The following NR5A1 variants were observed in gnomAD, a reference collection of about 807,000 sequenced individuals.
The protein encoded by NR5A1 is nuclear receptor subfamily 5 group A member 1.
Under a neutral mutation model 42.7 loss-of-function variants are expected in NR5A1, and 6 were observed. That is an observed-to-expected ratio of 0.14 (90% CI 0.08 to 0.28). NR5A1 has a LOEUF of 0.28. NR5A1 is among the 10% of genes least tolerant of loss of function. NR5A1 has a pLI of 1.00. For synonymous variants in NR5A1, 274 were observed against 277.5 expected, an observed-to-expected ratio of 0.99 and a Z score of 0.12; for missense variants, 442 against 626.4, an observed-to-expected ratio of 0.71 and a Z score of 3.14.
rs1384624832 is a variant in NR5A1, at chr9:124,496,651, C to G, written c.870+3439G>C. On this transcript the variant is annotated intron_variant, in intron 4 of 6. Coordinates refer to ENST00000373588, the MANE Select transcript of NR5A1 (RefSeq NM_004959.5). The surrounding 1 kb of genome is among the most constrained non-coding windows in gnomAD (Gnocchi z 5.0). The stretch of plus-strand genomic sequence containing the variant: ...TGGTGGCTGACACACCACGGGCTGG[C>G]CACTGCGCTCTGCCGGCAGAGTGGT... 6.6e-6 allele frequency among the ~76,000 whole-genome samples: 1 copy of G among 152,212 alleles called. No homozygotes were observed. Among genetic ancestry groups the G allele is most frequent in the Non-Finnish European group, 1.5e-5 (1 of 68,024 alleles).
chr9:124,492,644 A>G (rs929846360), intron 5 of NR5A1, among the ~76,000 whole-genome samples: 1 of 151,784 alleles, frequency 6.6e-6, no homozygotes, highest in Non-Finnish European at 1.5e-5. Flanking sequence ...CGGGGGCTCC[A>G]CACTTCCACC....
chr9:124,491,032 C>A, intron 6 of NR5A1, 49 bp downstream of exon 6: 1 of 1,258,238 alleles, frequency 7.9e-7, no homozygotes, highest in Non-Finnish European at 1.1e-6. Flanking sequence ...CCCTCCCACC[C>A]ACCCGCCTCT....
rs1213803208 is a variant in NR5A1 at position 124,498,642 on chromosome 9, G to T, written c.870+1448C>A. ...TGCTTGGGGTCCTCATCCCCACCAG[G>T]GCCTCCAGCCATGAGCAGAAGGCAG... On this transcript the variant is annotated intron_variant, in intron 4 of 6. Coordinates refer to ENST00000373588, the MANE Select transcript of NR5A1 (RefSeq NM_004959.5). This position sits in a 1 kb window ranked among gnomAD's most constrained non-coding sequence, Gnocchi z 4.6. 6.6e-6 allele frequency among the ~76,000 whole-genome samples: 1 copy of T among 152,198 alleles called. No homozygotes were observed. The highest frequency in any genetic ancestry group is 2.4e-5 in the African/African-American group (1 of 41,442).
rs1271988601 is a variant in NR5A1 at position 124,504,047 on chromosome 9, AGAGAC to A, written c.-15-642_-15-638del. 5.5e-3 allele frequency among the ~76,000 whole-genome samples: 722 copies of A among 130,838 alleles called. 69 individuals carry two copies. Among genetic ancestry groups the A allele is most frequent in the African/African-American group, 0.029 (674 of 23,224 alleles). The allele number at this position is 130,838 out of a possible 152,430, so 85.8% of individuals were successfully genotyped here. A position where few individuals can be genotyped will look rare whatever the true frequency, so the allele number is the denominator to read the frequency against. ...GACAGAGAGAGAGAGAGAGAGAGAG[AGAGAC>A]GAGAGAGAGAGAGAGAGAGAGAAAC... On this transcript the variant is annotated intron_variant, in intron 1 of 6. Coordinates refer to ENST00000373588, the MANE Select transcript of NR5A1 (RefSeq NM_004959.5).
Position 124,500,473 on chromosome 9 carries a change from C to T in NR5A1, c.487G>A (p.Asp163Asn), listed in dbSNP as rs377294547. The T allele has an allele frequency of 4.4e-5, 70 of 1,596,614 alleles. No homozygotes were observed. The highest frequency in any genetic ancestry group is 5.3e-5 in the Non-Finnish European group (62 of 1,173,750). The stretch of plus-strand genomic sequence containing the variant: ...ATGGGCAGTGCTGGGGCCCCAAAGT[C>T]GCCCAGTGGCCCAGCAGGTGGACCG... ...AAGPPAGPLG[D>N]FGAPALPMAV... is the part of the protein sequence containing the mutation. Residue 163 changes from aspartate (D) to asparagine (N), a missense_variant, in exon 4 of 7, where the codon GAC becomes AAC. This residue lies in a region of NR5A1 where 208 missense variants were observed against 203.8 expected (regional missense o/e 1.02). Coordinates refer to ENST00000373588, the MANE Select transcript of NR5A1 (RefSeq NM_004959.5). This position sits in a 1 kb window ranked among gnomAD's most constrained non-coding sequence, Gnocchi z 6.9.
At chr9:124,483,093 A>G in intron 6 of NR5A1, 88 bp from the exon 7 acceptor site, 1 of 1,602,566 alleles carries the variant, frequency 6.2e-7, no homozygotes, top group Non-Finnish European at 8.5e-7. Flanking sequence ...CACCAATACC[A>G]CCTTCCCTAT....
intron 4 of NR5A1, among the ~76,000 whole-genome samples, chr9:124,499,528 A>C (rs1390016959): frequency 6.6e-6 from 1 of 152,112 alleles, no homozygotes; most frequent in Non-Finnish European, 1.5e-5. Flanking sequence ...ATGGCCCACA[A>C]ATGCCCCAAA....
chr9:124,502,046 G>C (rs1210410141), intron 3 of NR5A1, among the ~76,000 whole-genome samples: 1 of 152,168 alleles, frequency 6.6e-6, no homozygotes, highest in Non-Finnish European at 1.5e-5. Context: ...GAACATGACG[G>C]GAAGGAATCT....
rs760889889 is a variant in NR5A1, at chr9:124,503,284, C to A, written c.102+10G>T. ...GTCTGCCGCACCCCTGCCGCGCGCT[C>A]GCCGCTCACCTTGCAGCTCTCACAC... On this transcript the variant is annotated intron_variant, in intron 2 of 6. Transcript: ENST00000373588. The surrounding 1 kb of genome is among the most constrained non-coding windows in gnomAD (Gnocchi z 9.6). 3.1e-6 allele frequency: 5 copies of A among 1,608,768 alleles called. No individual in the cohort carries two copies. The South Asian group carries it at 3.3e-5, about 11-fold the overall frequency.
At chr9:124,497,083 G>A (rs1832399837) in intron 4 of NR5A1, among the ~76,000 whole-genome samples, 1 of 152,194 alleles carries the variant, frequency 6.6e-6, no homozygotes, top group Non-Finnish European at 1.5e-5. Context: ...CCCCGCCAAG[G>A]CCTGCATAAG....
At position 124,482,468 on chromosome 9, in the gene NR5A1, T is replaced by C; in HGVS notation, c.*290A>G. 1 of 454,902 alleles carries C rather than the reference T, an allele frequency of 2.2e-6. No homozygotes were observed. The highest frequency in any genetic ancestry group is 4.0e-6 in the Non-Finnish European group (1 of 247,696). 28.2% of individuals were successfully genotyped at this position (454,902 alleles called of 1,614,324 possible). On this transcript the variant is annotated 3_prime_UTR_variant, in exon 7 of 7. Transcript: ENST00000373588. ...GGCTTCAGACTCCAGGAGAGAGAGC[T>C]GGGAGCAGGGAGGGGGCGGGGCGGG...
chr9:124,494,422 C>A (rs1832358566), intron 4 of NR5A1, among the ~76,000 whole-genome samples: 1 of 152,220 alleles, frequency 6.6e-6, no homozygotes, highest in Non-Finnish European at 1.5e-5. Context: ...AGGCTCCTTG[C>A]CTCCTCTACA....
At position 124,481,586 on chromosome 9, in the gene NR5A1, T is replaced by G. The variant is rs915260127; in HGVS notation, c.*1172A>C. The G allele has an allele frequency of 6.6e-6, 1 of 152,336 alleles. No homozygotes were observed. The highest frequency in any genetic ancestry group is 1.5e-5 in the Non-Finnish European group (1 of 68,192). 9.4% of individuals were successfully genotyped at this position (152,336 alleles called of 1,614,324 possible). A position where few individuals can be genotyped will look rare whatever the true frequency, so the allele number is the denominator to read the frequency against. On this transcript the variant is annotated 3_prime_UTR_variant, in exon 7 of 7. Coordinates refer to ENST00000373588, the MANE Select transcript of NR5A1 (RefSeq NM_004959.5). ...GGGGGTCAGGGAGCTGAGGGCCAGC[T>G]TCATGGGTTTGCAGCAAGGGACCCA...
At chr9:124,502,129 TG>T in intron 3 of NR5A1, among the ~76,000 whole-genome samples, 1 of 151,832 alleles carries the variant, frequency 6.6e-6, no homozygotes. Flanking sequence ...GCTGAATGTG[TG>T]GGGGCTGGGC....
rs770735001 is a variant in NR5A1, at chr9:124,500,728, G to C, written c.245-13C>G. 6.2e-7 allele frequency: 1 copy of C among 1,612,470 alleles called. No individual in the cohort carries two copies. The highest frequency in any genetic ancestry group is 2.2e-5 in the East Asian group (1 of 44,880). On this transcript the variant is annotated splice_polypyrimidine_tract_variant and intron_variant, in intron 3 of 6. Transcript: ENST00000373588. This position sits in a 1 kb window ranked among gnomAD's most constrained non-coding sequence, Gnocchi z 6.9. ...TCAGCGCGCACGGCTGTGGGCAGGGGCAGAGGGTCAGACTCACCCTCTCTA... is the reference window on the plus strand; with the variant it reads ...TCAGCGCGCACGGCTGTGGGCAGGGCCAGAGGGTCAGACTCACCCTCTCTA...
At chr9:124,493,263 C>T (rs2131280120) in intron 4 of NR5A1, 114 bp from the exon 5 acceptor site, 1 of 1,354,796 alleles carries the variant, frequency 7.4e-7, no homozygotes, top group Non-Finnish European at 1.0e-6. Context: ...GGCAAGCTAA[C>T]CTCTCTGTGC....
intron 6 of NR5A1, among the ~76,000 whole-genome samples, chr9:124,489,757 C>CCCCCCCG (rs543946825): frequency 1.5e-5 from 2 of 135,320 alleles, no homozygotes; most frequent in African/African-American, 5.4e-5. Context: ...CCGCCCCCCA[C>CCCCCCCG]CCCAATGGCT....
At chr9:124,485,532 G>A (rs553871973) in intron 6 of NR5A1, among the ~76,000 whole-genome samples, 1 of 152,254 alleles carries the variant, frequency 6.6e-6, no homozygotes, top group Admixed American at 6.5e-5. Context: ...CATCCTCCCA[G>A]CCCAGCCCAG....
intron 6 of NR5A1, among the ~76,000 whole-genome samples, chr9:124,486,829 G>C (rs1405327340): frequency 6.6e-6 from 1 of 152,222 alleles, no homozygotes; most frequent in African/African-American, 2.4e-5. Context: ...AACAAACCTG[G>C]AGACGCCCCC....
Sources: allele counts gnomAD v4.1 joint callset (sites outside exome capture counted in the v4.1 genomes callset), GRCh38; gene constraint gnomAD v4.1.1; regional missense constraint gnomAD v4.1.1; non-coding constraint Gnocchi (gnomAD v3.1); transcripts MANE v1.5; gene names NCBI Gene and HGNC (gene_info 2026-07-23, HGNC 2026-07-21).